The following MAN2B2 variants were observed in gnomAD, a reference collection of about 807,000 sequenced individuals.
The protein encoded by MAN2B2 is mannosidase alpha class 2B member 2.
Under a neutral mutation model 117.1 loss-of-function variants are expected in MAN2B2, and 106 were observed. That is an observed-to-expected ratio of 0.90 (90% CI 0.77 to 1.06). The LOEUF (loss-of-function observed/expected upper bound fraction) is 1.06. Among genes scored for constraint, MAN2B2 ranks in the 50% least tolerant of loss-of-function variants. The probability of loss-of-function intolerance (pLI) is 0.00; values close to 1 mark genes in which losing one functional copy is unlikely to be tolerated. For synonymous variants in MAN2B2, 544 were observed against 595.1 expected (o/e 0.91, Z 1.25); for missense variants, 1,326 against 1,381.4 (o/e 0.96, Z 0.64).
At chr4:6,609,415 C>A in intron 12 of MAN2B2, 117 bp downstream of exon 12, 1 of 993,948 alleles carries the variant, frequency 1.0e-6, no homozygotes, top group South Asian at 1.6e-5. Flanking sequence ...CCGTGGTTGA[C>A]ACGTGGTCTG....
chr4:6,609,713 C>A, intron 12 of MAN2B2, 85 bp from the exon 13 acceptor site: 2 of 1,394,386 alleles, frequency 1.4e-6, no homozygotes, highest in Non-Finnish European at 2.0e-6. Context: ...CCTGCCCACC[C>A]TGCCCACATG....
chr4:6,610,763 C>T lies in MAN2B2; in HGVS notation c.2260-117C>T. The T allele has an allele frequency of 3.6e-6, 3 of 834,336 alleles. No individual in the cohort carries two copies. The South Asian group carries it at 4.5e-5, about 13-fold the overall frequency. The allele number at this position is 834,336 out of a possible 1,614,324, so 51.7% of individuals were successfully genotyped here. A position where few individuals can be genotyped will look rare whatever the true frequency, so the allele number is the denominator to read the frequency against. On this transcript the variant is annotated intron_variant, in intron 13 of 18. Coordinates refer to ENST00000285599, the MANE Select transcript of MAN2B2 (RefSeq NM_015274.3). ...CTGTTGGTCTCCAAAGTCAGGGTCC[C>T]AGCCCCATGCTGCTGCTGTGCCTAT...
In MAN2B2 at chr4:6,600,759, A is replaced by G. The variant is rs766885808; in HGVS notation, c.1539+3A>G. The stretch of plus-strand genomic sequence containing the variant: ...CGGGCCACCCAGTGCCCTCGCAGGT[A>G]TGGACACAAAATCCTGCTGGAGGGG... On this transcript the variant is annotated splice_donor_region_variant and intron_variant, in intron 10 of 18. Coordinates refer to ENST00000285599, the MANE Select transcript of MAN2B2 (RefSeq NM_015274.3). 3 of 1,613,206 alleles carry G rather than the reference A, an allele frequency of 1.9e-6. No individual in the cohort carries two copies. Among genetic ancestry groups the G allele is most frequent in the Non-Finnish European group, 2.5e-6 (3 of 1,179,994 alleles).
At chr4:6,603,135 G>A (rs1008201189) in intron 10 of MAN2B2, among the ~76,000 whole-genome samples, 1 of 152,138 alleles carries the variant, frequency 6.6e-6, no homozygotes, top group Non-Finnish European at 1.5e-5. Flanking sequence ...AATCTTAAAG[G>A]GGTGCTTTAA....
At chr4:6,607,830 C>T (rs1043834577) in intron 11 of MAN2B2, among the ~76,000 whole-genome samples, 1 of 152,190 alleles carries the variant, frequency 6.6e-6, no homozygotes, top group East Asian at 1.9e-4. Context: ...AGCGGCTGCA[C>T]CATTTTCTGT....
At chr4:6,620,165 T>C (rs1712101233) in intron 18 of MAN2B2, 121 bp downstream of exon 18, 1 of 787,050 alleles carries the variant, frequency 1.3e-6, no homozygotes, top group East Asian at 2.7e-5. Context: ...GCGAGGCTGC[T>C]TTCCTACTCT....
intron 5 of MAN2B2, among the ~76,000 whole-genome samples, chr4:6,590,279 G>T (rs1456031109): frequency 6.6e-6 from 1 of 151,816 alleles, no homozygotes; most frequent in African/African-American, 2.4e-5. Context: ...CAACTACTTG[G>T]GAGGCTGAGG....
chr4:6,605,167 G>T lies in MAN2B2; in HGVS notation c.1652G>T (p.Gly551Val). The change falls in exon 11 of 19, where the codon GGC becomes GTC. Residue 551 changes from glycine (G) to valine (V), a missense_variant. Physicochemically the swap from Gly to Val is moderately radical, Grantham distance 109. Transcript: ENST00000285599. ...NIRPTAGAQEGTQEPAATVAS... is the reference protein window; with the variant it reads ...NIRPTAGAQEVTQEPAATVAS... ...AGACCCACTGCAGGGGCCCAAGAGGGCACCCAGGAGCCGGCTGCCACTGTG... is the reference window on the plus strand; with the variant it reads ...AGACCCACTGCAGGGGCCCAAGAGGTCACCCAGGAGCCGGCTGCCACTGTG... 1 of 1,614,210 alleles carries T rather than the reference G, an allele frequency of 6.2e-7. No individual in the cohort carries two copies. The highest frequency in any genetic ancestry group is 2.2e-5 in the East Asian group (1 of 44,888).
intron 3 of MAN2B2, among the ~76,000 whole-genome samples, chr4:6,579,247 T>TCACCACCACCAC (rs1560634818): frequency 5.8e-4 from 3 of 5,130 alleles, no homozygotes; most frequent in Admixed American, 1.8e-3. Flanking sequence ...CCACCACCCT[T>TCACCACCACCAC]CACCACCATC....
intron 3 of MAN2B2, among the ~76,000 whole-genome samples, chr4:6,583,131 T>C (rs2108860517): frequency 6.6e-6 from 1 of 152,250 alleles, no homozygotes; most frequent in South Asian, 2.1e-4. Flanking sequence ...CCCCACTGAG[T>C]TGTCCTTCCA....
intron 3 of MAN2B2, among the ~76,000 whole-genome samples, chr4:6,585,729 G>T (rs1164710699): frequency 6.6e-6 from 1 of 152,174 alleles, no homozygotes; most frequent in Non-Finnish European, 1.5e-5. Flanking sequence ...TGGGAGTCAG[G>T]TGGGGCAGTG....
chr4:6,614,073 T>A (rs544865640), intron 15 of MAN2B2, 145 bp from the exon 16 acceptor site: 3 of 972,150 alleles, frequency 3.1e-6, no homozygotes, highest in African/African-American at 3.3e-5. Context: ...CACAAACACT[T>A]TGGGCTGGTG....
intron 15 of MAN2B2, among the ~76,000 whole-genome samples, chr4:6,613,885 G>C (rs1276632311): frequency 2.0e-5 from 3 of 152,190 alleles, no homozygotes. Context: ...AAAGGAGAGA[G>C]AGAGGAGAGG....
chr4:6,597,436 C>T (rs1165432188), intron 8 of MAN2B2, 133 bp downstream of exon 8: 1 of 1,020,930 alleles, frequency 9.8e-7, no homozygotes. Flanking sequence ...ACTGAGGTTC[C>T]CTTTGGTTAC....
chr4:6,599,911 T>C (rs1727258124), intron 9 of MAN2B2, among the ~76,000 whole-genome samples: 1 of 152,202 alleles, frequency 6.6e-6, no homozygotes, highest in African/African-American at 2.4e-5. Flanking sequence ...GGGGTCTGGC[T>C]TCACTGCCAG....
intron 3 of MAN2B2, among the ~76,000 whole-genome samples, chr4:6,582,565 C>T (rs1352767693): frequency 6.6e-6 from 1 of 152,124 alleles, no homozygotes; most frequent in Non-Finnish European, 1.5e-5. Flanking sequence ...GTCTTGAACT[C>T]CTGACCTCAA....
At chr4:6,578,670 G>T (rs1726162822) in intron 3 of MAN2B2, among the ~76,000 whole-genome samples, 172 bp downstream of exon 3, 1 of 152,096 alleles carries the variant, frequency 6.6e-6, no homozygotes, top group Non-Finnish European at 1.5e-5. Flanking sequence ...CACCAAGGAA[G>T]TTGAATGTAG....
rs1055501167 is a variant in MAN2B2, at chr4:6,575,238, C to G, written c.28C>G (p.Leu10Val). 1 of 1,538,590 alleles carries G rather than the reference C, an allele frequency of 6.5e-7. No homozygotes were observed. Among genetic ancestry groups the G allele is most frequent in the African/African-American group, 1.4e-5 (1 of 73,256 alleles). MGQLCWLPL[L>V]APLLLLRPPG... ...GGGGCAGCTGTGCTGGCTGCCGCTG[C>G]TGGCACCGCTCCTGTTGCTGCGACC... is the stretch of plus-strand genomic sequence containing the variant. The change falls in exon 1 of 19, where the codon CTG becomes GTG. Residue 10 changes from leucine to valine, a missense_variant. Transcript: ENST00000285599.
chr4:6,600,248 T>C (rs990327324), intron 9 of MAN2B2, among the ~76,000 whole-genome samples: 3 of 152,198 alleles, frequency 2.0e-5, no homozygotes, highest in African/African-American at 7.2e-5. Flanking sequence ...ACTCAAAGCT[T>C]TGCAGCCAGG....
Sources: allele counts gnomAD v4.1 joint callset (sites outside exome capture counted in the v4.1 genomes callset), GRCh38; gene constraint gnomAD v4.1.1; transcripts MANE v1.5; gene names NCBI Gene and HGNC (gene_info 2026-07-23, HGNC 2026-07-21).